Variants in OR3A2 observed in about 807,000 individuals in gnomAD.
The protein encoded by OR3A2 is olfactory receptor 3A2.
For synonymous variants in OR3A2, 126 were observed against 159.3 expected (o/e 0.79, Z 1.57); for missense variants, 318 against 392.8 (o/e 0.81, Z 1.61).
chr17:3,288,234 T>C (rs1220190770), upstream of OR3A2, among the ~76,000 whole-genome samples: 4 of 26,702 alleles, frequency 1.5e-4, no homozygotes, highest in Admixed American at 1.2e-3. Context: ...AGATAAACTA[T>C]CACCAAAAGG....
chr17:3,293,423 C>G (rs955671168), intron 3 of OR3A2, among the ~76,000 whole-genome samples: 3 of 152,118 alleles, frequency 2.0e-5, no homozygotes, highest in Admixed American at 6.5e-5. Context: ...CAAATAAAAG[C>G]TAAAATAATT....
Position 3,337,563 on chromosome 17 carries a change from CG to C in OR3A2, c.-178-1438del, listed in dbSNP as rs2049282851. On this transcript the variant is annotated intron_variant, in intron 2 of 4. Transcript: ENST00000573491. ...CCTTGCGATAGTTTACTGAGAATGA[CG>C]GTTTCCAGCTTCATCCATGTCCTTA... 2.0e-5 allele frequency among the ~76,000 whole-genome samples: 3 copies of C among 152,146 alleles called. No homozygotes were observed. In the South Asian group the frequency reaches 6.2e-4, roughly 32 times the overall value.
At chr17:3,308,346 C>A (rs941137495) in intron 3 of OR3A2, among the ~76,000 whole-genome samples, 1 of 152,062 alleles carries the variant, frequency 6.6e-6, no homozygotes, top group African/African-American at 2.4e-5. Flanking sequence ...GCTGCTGGGC[C>A]GGCGGGACTG....
intron 3 of OR3A2, among the ~76,000 whole-genome samples, chr17:3,320,739 T>A (rs1257182732): frequency 2.0e-5 from 3 of 152,022 alleles, no homozygotes; most frequent in African/African-American, 4.8e-5. Context: ...TTGGTCTATA[T>A]CTCTGTTTTG....
chr17:3,375,273 G>T (rs1597364731), intron 2 of OR3A2, among the ~76,000 whole-genome samples: 1 of 83,196 alleles, frequency 1.2e-5, no homozygotes, highest in Non-Finnish European at 2.6e-5. Flanking sequence ...AGTCTCACTT[G>T]GTCACCTGGA....
At chr17:3,328,772 T>G (rs1470677080) in intron 3 of OR3A2, among the ~76,000 whole-genome samples, 251 of 140,662 alleles carry the variant, frequency 1.8e-3, no homozygotes, top group African/African-American at 7.0e-3. Flanking sequence ...CATGAAGGGT[T>G]GTTGAATTTT....
At chr17:3,364,234 A>C (rs2049543861) in intron 2 of OR3A2, among the ~76,000 whole-genome samples, 1 of 152,236 alleles carries the variant, frequency 6.6e-6, no homozygotes, top group African/African-American at 2.4e-5. Context: ...TTTAATTGAC[A>C]GATAATAATT....
upstream of OR3A2, among the ~76,000 whole-genome samples, chr17:3,285,243 G>A (rs1307370524): frequency 4.6e-5 from 7 of 152,062 alleles, no homozygotes; most frequent in South Asian, 1.5e-3. Context: ...ACATTCCCTC[G>A]CCTAAGAGAG....
At chr17:3,366,757 G>C (rs562859054) in intron 2 of OR3A2, among the ~76,000 whole-genome samples, 3 of 152,182 alleles carry the variant, frequency 2.0e-5, no homozygotes, top group African/African-American at 7.2e-5. Context: ...TTTGTACTCT[G>C]TGCTGTACTG....
rs2049357208 is a variant in OR3A2, at chr17:3,345,568, C to G, written c.-178-9442G>C. Among the ~76,000 whole-genome samples, 3 of 151,990 alleles carry G rather than the reference C, an allele frequency of 2.0e-5. No individual in the cohort carries two copies. The South Asian group carries it at 6.2e-4, about 32-fold the overall frequency. On this transcript the variant is annotated intron_variant, in intron 2 of 4. Transcript: ENST00000573491. ...GAGCCCATAAAAAGAAACAATATCA[C>G]AAAAACAGTTCTTGAAAATGAAAAA...
intron 3 of OR3A2, among the ~76,000 whole-genome samples, chr17:3,289,913 C>T (rs1026424177): frequency 6.6e-6 from 1 of 152,122 alleles, no homozygotes; most frequent in Non-Finnish European, 1.5e-5. Context: ...TTGACGCCGT[C>T]AGCCAGCATG....
At chr17:3,333,821 T>A (rs894420440) in intron 3 of OR3A2, among the ~76,000 whole-genome samples, 4 of 151,990 alleles carry the variant, frequency 2.6e-5, no homozygotes, top group African/African-American at 9.7e-5. Context: ...ACAGACAACC[T>A]ACAGAATGGG....
intron 2 of OR3A2, among the ~76,000 whole-genome samples, chr17:3,373,265 T>C (rs1260480297): frequency 1.3e-5 from 2 of 152,234 alleles, no homozygotes; most frequent in African/African-American, 4.8e-5. Flanking sequence ...AGAATGTATA[T>C]TCTGCAGTTG....
rs563825949 is a variant in OR3A2 at position 3,371,549 on chromosome 17, G to A, written c.-179+12255C>T. On this transcript the variant is annotated intron_variant, in intron 2 of 4. Coordinates refer to the OR3A2 transcript ENST00000573491. Reference sequence around the variant, plus strand: ...CCCCACCACCTCCCTCCCGGACGGGGCGGCTGGCCGGGCGGGGGGCTGATT... The same window carrying A: ...CCCCACCACCTCCCTCCCGGACGGGACGGCTGGCCGGGCGGGGGGCTGATT... Among the ~76,000 whole-genome samples the A allele has an allele frequency of 2.7e-5, 4 of 145,976 alleles. No homozygotes were observed. The South Asian group carries it at 8.7e-4, about 32-fold the overall frequency.
chr17:3,332,141 G>T (rs1445391384), intron 3 of OR3A2, among the ~76,000 whole-genome samples: 3 of 152,222 alleles, frequency 2.0e-5, no homozygotes, highest in Non-Finnish European at 4.4e-5. Context: ...GGACATTTAA[G>T]TCTGCAGAGG....
intron 2 of OR3A2, among the ~76,000 whole-genome samples, chr17:3,355,072 A>T (rs1567565818): frequency 6.6e-6 from 1 of 151,322 alleles, no homozygotes; most frequent in South Asian, 2.1e-4. Context: ...TTCCAAAATT[A>T]TTCTTATTAT....
chr17:3,356,422 T>C (rs1367430004), intron 2 of OR3A2, among the ~76,000 whole-genome samples: 1 of 151,530 alleles, frequency 6.6e-6, no homozygotes, highest in African/African-American at 2.4e-5. Flanking sequence ...AGGTCTGATG[T>C]TGATGAAATT....
At chr17:3,292,275 T>C (rs1241987265) in intron 3 of OR3A2, 1 of 1,613,832 alleles carries the variant, frequency 6.2e-7, no homozygotes, top group South Asian at 1.1e-5. Flanking sequence ...GAAGAAGAGC[T>C]GGGTAAGGCA....
intron 3 of OR3A2, among the ~76,000 whole-genome samples, chr17:3,331,242 C>T (rs2049230207): frequency 1.3e-5 from 2 of 151,700 alleles, no homozygotes; most frequent in South Asian, 4.2e-4. Flanking sequence ...TCTGTATTTC[C>T]TGAATCTGAA....
Sources: allele counts gnomAD v4.1 joint callset (sites outside exome capture counted in the v4.1 genomes callset), GRCh38; gene constraint gnomAD v4.1.1; transcripts MANE v1.5; gene names NCBI Gene and HGNC (gene_info 2026-07-23, HGNC 2026-07-21).